Variants in PACRG observed in about 807,000 individuals in gnomAD.
PACRG encodes parkin coregulated gene protein.
PACRG carries 29 observed loss-of-function variants against 29.7 expected under a neutral mutation model. The ratio of observed to expected loss-of-function variants is 0.98; its 90% CI spans 0.73 to 1.33. The LOEUF (loss-of-function observed/expected upper bound fraction) is 1.33, where lower values mean the gene tolerates loss of function less well. PACRG is among the 40% of genes most tolerant of loss of function. The pLI, the probability that PACRG is intolerant of heterozygous loss-of-function variation, is 0.00. For synonymous variants in PACRG, 116 were observed against 118.7 expected, an observed-to-expected ratio of 0.98 and a Z score of 0.15; for missense variants, 279 against 316.2, an observed-to-expected ratio of 0.88 and a Z score of 0.89.
intron 4 of PACRG, among the ~76,000 whole-genome samples, chr6:163,215,129 T>A (rs1781311881): frequency 6.6e-6 from 1 of 152,118 alleles, no homozygotes; most frequent in Non-Finnish European, 1.5e-5. Context: ...TTTTTTTTTG[T>A]GCAATGTACT....
intron 2 of PACRG, among the ~76,000 whole-genome samples, chr6:162,983,807 A>T (rs1476252839): frequency 6.6e-6 from 1 of 151,932 alleles, no homozygotes; most frequent in Admixed American, 6.6e-5. Context: ...TTTTGTGACA[A>T]ATTTTTCAGC....
intron 2 of PACRG, among the ~76,000 whole-genome samples, chr6:162,968,953 A>C (rs143647920): frequency 6.8e-6 from 1 of 147,908 alleles, no homozygotes; most frequent in South Asian, 2.2e-4. Context: ...AGGCTGAGGC[A>C]GGAGAATCGC....
intron 4 of PACRG, among the ~76,000 whole-genome samples, chr6:163,243,106 G>C (rs1782562452): frequency 6.6e-6 from 1 of 152,214 alleles, no homozygotes; most frequent in Admixed American, 6.5e-5. Context: ...GGACTTTTCT[G>C]CCTGTAAGCA....
intron 4 of PACRG, among the ~76,000 whole-genome samples, chr6:163,135,046 T>C (rs188085826): frequency 4.1e-3 from 622 of 152,338 alleles, no homozygotes; most frequent in Middle Eastern, 0.01. Flanking sequence ...TATCTGTAAC[T>C]AGAAACAATA....
intron 2 of PACRG, among the ~76,000 whole-genome samples, chr6:162,871,850 G>A (rs1046857050): frequency 6.6e-6 from 1 of 151,738 alleles, no homozygotes; most frequent in South Asian, 2.1e-4. Context: ...CCTGGGAGGC[G>A]GAGCTTGCAG....
intron 4 of PACRG, among the ~76,000 whole-genome samples, chr6:163,126,420 A>G (rs996190677): frequency 1.3e-5 from 2 of 152,150 alleles, no homozygotes; most frequent in African/African-American, 4.8e-5. Flanking sequence ...CACAGAACTA[A>G]TTTCTATGGC....
chr6:163,284,631 A>T (rs1037554397), intron 4 of PACRG, among the ~76,000 whole-genome samples: 6 of 152,246 alleles, frequency 3.9e-5, no homozygotes, highest in African/African-American at 1.4e-4. Context: ...GAAACACATG[A>T]CATCACATAA....
At chr6:163,256,338 G>A (rs2128173720) in intron 4 of PACRG, among the ~76,000 whole-genome samples, 1 of 152,328 alleles carries the variant, frequency 6.6e-6, no homozygotes. Context: ...GGGTGCTGAA[G>A]ATGCAACAGT....
chr6:162,839,665 G>C (rs1789575997), intron 2 of PACRG, among the ~76,000 whole-genome samples: 1 of 151,986 alleles, frequency 6.6e-6, no homozygotes, highest in Non-Finnish European at 1.5e-5. Context: ...TGAAGTCCTT[G>C]CCCATGCCTA....
intron 1 of PACRG, among the ~76,000 whole-genome samples, chr6:162,800,409 T>C (rs1214074021): frequency 6.6e-6 from 1 of 152,186 alleles, no homozygotes; most frequent in Non-Finnish European, 1.5e-5. Context: ...AGGACAATTG[T>C]AGACTATAGA....
chr6:162,914,481 T>G, intron 2 of PACRG, among the ~76,000 whole-genome samples: 1 of 147,636 alleles, frequency 6.8e-6, no homozygotes, highest in African/African-American at 2.5e-5. Context: ...GTAGCGTACA[T>G]AAGGTCTCAA....
chr6:162,878,937 TTGTA>T (rs1793598871), intron 2 of PACRG, among the ~76,000 whole-genome samples: 1 of 152,220 alleles, frequency 6.6e-6, no homozygotes, highest in South Asian at 2.1e-4. Context: ...GAATGGCTCT[TTGTA>T]TGTAATAATA....
upstream of PACRG, chr6:162,727,314 A>ACGGTGAGGGGCGGCGGCGGGGCGC: frequency 2.8e-6 from 1 of 352,164 alleles, no homozygotes; most frequent in Non-Finnish European, 5.1e-6. Context: ...CGGCGGGGCG[A>ACGGTGAGGGGCGGCGGCGGGGCGC]AGGTGAGGGG....
intron 3 of PACRG, among the ~76,000 whole-genome samples, chr6:163,087,112 C>A (rs1813633178): frequency 6.6e-6 from 1 of 152,096 alleles, no homozygotes; most frequent in African/African-American, 2.4e-5. Flanking sequence ...GAAAAGAGAT[C>A]CATACAAGAG....
chr6:163,295,089 A>G (rs2128188274), intron 4 of PACRG, among the ~76,000 whole-genome samples: 1 of 152,354 alleles, frequency 6.6e-6, no homozygotes, highest in African/African-American at 2.4e-5. Context: ...ATAGTGCCTG[A>G]CACACAGTAA....
chr6:162,754,725 T>C (rs576918680), intron 1 of PACRG, among the ~76,000 whole-genome samples: 9 of 152,340 alleles, frequency 5.9e-5, no homozygotes, highest in Admixed American at 2.0e-4. Context: ...GAAGAGATTG[T>C]ATTTTCCCCA....
intron 4 of PACRG, among the ~76,000 whole-genome samples, chr6:163,236,145 C>A (rs1782229749): frequency 1.8e-5 from 1 of 54,394 alleles, no homozygotes; most frequent in Admixed American, 1.8e-4. Context: ...ATGGCATACC[C>A]TGTATGAACC....
intron 2 of PACRG, among the ~76,000 whole-genome samples, chr6:163,020,549 G>A (rs1806512317): frequency 6.6e-6 from 1 of 152,184 alleles, no homozygotes; most frequent in South Asian, 2.1e-4. Context: ...ACCGGTTTGA[G>A]CGGTGAGTAT....
chr6:163,232,128 C>CA (rs781758461), intron 4 of PACRG, among the ~76,000 whole-genome samples: 29 of 152,330 alleles, frequency 1.9e-4, no homozygotes, highest in Non-Finnish European at 4.0e-4. Context: ...CACAAAGGTC[C>CA]AGCCTAGAAG....
Sources: gnomAD v4.1 joint callset for allele counts (sites outside exome capture counted in the v4.1 genomes callset) on GRCh38, gnomAD v4.1.1 for gene constraint, MANE v1.5 for transcripts, NCBI Gene and HGNC (gene_info 2026-07-23, HGNC 2026-07-21) for gene names.